Variants in MCTP2 observed in about 807,000 individuals in gnomAD.
MCTP2 encodes the protein multiple C2 and transmembrane domain containing 2, also known as multiple C2 and transmembrane domain-containing protein 2.
MCTP2 carries 132 observed loss-of-function variants against 111.6 expected under a neutral mutation model. That is an observed-to-expected ratio of 1.18 (90% CI 1.03 to 1.37). MCTP2 has a LOEUF of 1.37. MCTP2 is among the 40% of genes most tolerant of loss of function. The pLI is 0.00. For missense variants in MCTP2, 1,183 were observed against 1,067.9 expected (o/e 1.11, Z -1.50); for synonymous variants, 395 against 387.7 (o/e 1.02, Z -0.22).
At chr15:94,357,932 G>C (rs2078720652) in intron 9 of MCTP2, among the ~76,000 whole-genome samples, 1 of 152,174 alleles carries the variant, frequency 6.6e-6, no homozygotes, top group African/African-American at 2.4e-5. Context: ...GGCTGCAGTG[G>C]AATTTCCTAG....
chr15:94,354,897 G>A (rs938447043), intron 8 of MCTP2, among the ~76,000 whole-genome samples: 6 of 152,108 alleles, frequency 3.9e-5, no homozygotes, highest in African/African-American at 1.2e-4. Context: ...AAGATATAGC[G>A]AGCGATGACA....
intron 10 of MCTP2, among the ~76,000 whole-genome samples, chr15:94,362,199 G>GAGTA (rs372283506): frequency 1.1e-3 from 170 of 152,272 alleles, no homozygotes; most frequent in African/African-American, 3.7e-3. Context: ...TTTTAGGGAA[G>GAGTA]AGTAAGACAT....
chr15:94,417,261 C>T (rs1233321466), intron 17 of MCTP2, among the ~76,000 whole-genome samples: 1 of 152,056 alleles, frequency 6.6e-6, no homozygotes, highest in Non-Finnish European at 1.5e-5. Flanking sequence ...CCTAACATAG[C>T]TAAGAAAGAC....
chr15:94,341,171 A>C, intron 7 of MCTP2: 1 of 419,108 alleles, frequency 2.4e-6, no homozygotes, highest in Non-Finnish European at 4.4e-6. Flanking sequence ...ATACATTTGC[A>C]GCATTTTGGT....
intron 1 of MCTP2, among the ~76,000 whole-genome samples, chr15:94,261,339 C>G (rs1371183476): frequency 6.6e-6 from 1 of 152,196 alleles, no homozygotes; most frequent in Non-Finnish European, 1.5e-5. Context: ...GTCTGAGACA[C>G]TTTTTGGGTT....
intron 1 of MCTP2, among the ~76,000 whole-genome samples, chr15:94,248,371 GC>G (rs565405037): frequency 8.3e-4 from 127 of 152,168 alleles, no homozygotes; most frequent in African/African-American, 2.8e-3. Flanking sequence ...GAAATAATGG[GC>G]CTCTTCCAGG....
chr15:94,365,384 A>G (rs1294705843), intron 10 of MCTP2, among the ~76,000 whole-genome samples: 1 of 152,194 alleles, frequency 6.6e-6, no homozygotes, highest in South Asian at 2.1e-4. Flanking sequence ...ATTTTTTTGT[A>G]ATAACGTAAG....
At chr15:94,294,941 C>CTTTTTTTTTTTTT (rs71133001) in intron 1 of MCTP2, among the ~76,000 whole-genome samples, 1 of 73,988 alleles carries the variant, frequency 1.4e-5, no homozygotes, top group African/African-American at 5.7e-5. Flanking sequence ...TTTTCTTTTC[C>CTTTTTTTTTTTTT]TTTTTTTTTT....
intron 2 of MCTP2, among the ~76,000 whole-genome samples, chr15:94,300,515 A>AC (rs1196459048): frequency 6.6e-6 from 1 of 151,356 alleles, no homozygotes; most frequent in African/African-American, 2.4e-5. Flanking sequence ...GTCTCAAAAA[A>AC]AAAAAAAAAG....
chr15:94,318,820 A>G (rs1049783463), intron 4 of MCTP2, among the ~76,000 whole-genome samples: 3 of 152,324 alleles, frequency 2.0e-5, no homozygotes, highest in Non-Finnish European at 4.4e-5. Context: ...CACTTGCTCC[A>G]TATCTTGCTG....
chr15:94,277,518 A>C (rs1438248070), intron 1 of MCTP2, among the ~76,000 whole-genome samples: 1 of 152,194 alleles, frequency 6.6e-6, no homozygotes, highest in East Asian at 1.9e-4. Flanking sequence ...AGCTATGAAA[A>C]GGCATGGAGG....
chr15:94,298,753 T>G, intron 2 of MCTP2, 23 bp downstream of exon 2: 2 of 1,356,596 alleles, frequency 1.5e-6, no homozygotes, highest in South Asian at 2.9e-5. Flanking sequence ...CTGGGCTCTC[T>G]TTTTTTTTGT....
chr15:94,435,066 G>T (rs1433818646), intron 17 of MCTP2, among the ~76,000 whole-genome samples: 1 of 151,954 alleles, frequency 6.6e-6, no homozygotes, highest in Non-Finnish European at 1.5e-5. Flanking sequence ...GTTTCACCAT[G>T]TTGGCCAAGG....
chr15:94,433,370 G>T (rs2083293626), intron 17 of MCTP2, among the ~76,000 whole-genome samples: 1 of 152,166 alleles, frequency 6.6e-6, no homozygotes, highest in Non-Finnish European at 1.5e-5. Flanking sequence ...CTGCACCTAT[G>T]TCATGGAACA....
intron 2 of MCTP2, among the ~76,000 whole-genome samples, chr15:94,306,669 A>G (rs2075894006): frequency 6.6e-6 from 1 of 152,248 alleles, no homozygotes; most frequent in Non-Finnish European, 1.5e-5. Context: ...TATGAAAGAA[A>G]GGATCATTCC....
At chr15:94,231,380 A>G (rs1356237191), upstream of MCTP2, among the ~76,000 whole-genome samples, 1 of 152,250 alleles carries the variant, frequency 6.6e-6, no homozygotes, top group Non-Finnish European at 1.5e-5. Flanking sequence ...CCCAGCACCA[A>G]GCATAGCGCC....
At chr15:94,243,827 AT>A (rs1031227180) in intron 1 of MCTP2, among the ~76,000 whole-genome samples, 46 of 145,140 alleles carry the variant, frequency 3.2e-4, no homozygotes, top group Non-Finnish European at 5.5e-4. Context: ...GTATACACAT[AT>A]GTATATATTT....
chr15:94,322,669 G>T (rs2076682809), intron 4 of MCTP2, among the ~76,000 whole-genome samples: 1 of 152,174 alleles, frequency 6.6e-6, no homozygotes, highest in Non-Finnish European at 1.5e-5. Context: ...CTACAACAAA[G>T]ATGGTATAAT....
chr15:94,266,307 A>G (rs1033763547), intron 1 of MCTP2, among the ~76,000 whole-genome samples: 1 of 152,188 alleles, frequency 6.6e-6, no homozygotes, highest in South Asian at 2.1e-4. Flanking sequence ...TGTGAATTGC[A>G]TGCAAATATT....
Sources: gnomAD v4.1 joint callset for allele counts (sites outside exome capture counted in the v4.1 genomes callset) on GRCh38, gnomAD v4.1.1 for gene constraint, MANE v1.5 for transcripts, NCBI Gene and HGNC (gene_info 2026-07-23, HGNC 2026-07-21) for gene names.